ZFPM2: variants seen among roughly 807,000 people sequenced by gnomAD.
ZFPM2 encodes the protein zinc finger protein, FOG family member 2.
A neutral mutation model predicts 98.6 loss-of-function variants in ZFPM2; 20 were observed. The observed-to-expected ratio is 0.20, with a 90% CI of 0.14 to 0.29. The LOEUF is 0.29. ZFPM2 is among the 10% of genes least tolerant of loss of function. ZFPM2 has a pLI of 1.00. For missense variants in ZFPM2, 1,310 were observed against 1,388.6 expected, an observed-to-expected ratio of 0.94 and a Z score of 0.90; for synonymous variants, 518 against 502.7, an observed-to-expected ratio of 1.03 and a Z score of -0.41.
chr8:105,446,718 A>C (rs1182713387), intron 3 of ZFPM2, among the ~76,000 whole-genome samples: 1 of 152,124 alleles, frequency 6.6e-6, no homozygotes, highest in Non-Finnish European at 1.5e-5. Flanking sequence ...GAAAATATGT[A>C]TCTCTAAGCA....
At chr8:105,732,052 G>T (rs28671406) in intron 5 of ZFPM2, among the ~76,000 whole-genome samples, 37 of 151,742 alleles carry the variant, frequency 2.4e-4, no homozygotes, top group African/African-American at 8.0e-4. Flanking sequence ...ATATGAGAGG[G>T]TTTAGTTCCT....
intron 5 of ZFPM2, among the ~76,000 whole-genome samples, chr8:105,763,520 A>C (rs1480638032): frequency 6.6e-6 from 1 of 151,832 alleles, no homozygotes; most frequent in Non-Finnish European, 1.5e-5. Context: ...TAATTATGAG[A>C]AGAGAGTAGA....
chr8:105,549,562 T>TTCCTTCCTCCCTTCCTTCCTTC (rs1563713795), intron 3 of ZFPM2, among the ~76,000 whole-genome samples: 3 of 97,256 alleles, frequency 3.1e-5, no homozygotes, highest in African/African-American at 1.2e-4. Flanking sequence ...TTCCTTCCTT[T>TTCCTTCCTCCCTTCCTTCCTTC]CTTCCTTCCA....
intron 1 of ZFPM2, among the ~76,000 whole-genome samples, chr8:105,357,911 T>G (rs954304452): frequency 6.6e-6 from 1 of 152,184 alleles, no homozygotes; most frequent in Non-Finnish European, 1.5e-5. Flanking sequence ...AGTTTGCAAC[T>G]TGACCATAGC....
chr8:105,524,669 A>G (rs548068482), intron 3 of ZFPM2, among the ~76,000 whole-genome samples: 319 of 152,260 alleles, frequency 2.1e-3, no homozygotes, highest in Non-Finnish European at 3.7e-3. Flanking sequence ...TTTAGATGGT[A>G]TCTGTGATCA....
intron 4 of ZFPM2, among the ~76,000 whole-genome samples, chr8:105,603,132 G>T (rs1274795905): frequency 6.6e-6 from 1 of 152,036 alleles, no homozygotes; most frequent in East Asian, 1.9e-4. Flanking sequence ...AAATTGTATG[G>T]TGTTAGGCAA....
chr8:105,556,684 T>A, intron 3 of ZFPM2, among the ~76,000 whole-genome samples: 1 of 121,792 alleles, frequency 8.2e-6, no homozygotes, highest in Non-Finnish European at 1.7e-5. Flanking sequence ...CCCCCTTCCC[T>A]TTTCCCCCTT....
At chr8:105,442,203 G>A (rs962852813) in intron 2 of ZFPM2, among the ~76,000 whole-genome samples, 4 of 151,776 alleles carry the variant, frequency 2.6e-5, no homozygotes, top group Admixed American at 1.3e-4. Context: ...AATTAGCTGG[G>A]TGTGGTGGCA....
intron 1 of ZFPM2, among the ~76,000 whole-genome samples, chr8:105,414,616 T>C (rs193216831): frequency 5.9e-4 from 90 of 151,938 alleles, no homozygotes; most frequent in Non-Finnish European, 1.1e-3. Flanking sequence ...CTTTTTTTTT[T>C]CTGAAATTTT....
At position 105,395,619 on chromosome 8, in the gene ZFPM2, T is replaced by TC. The variant is rs200744500; in HGVS notation, c.41-23519dup. Among the ~76,000 whole-genome samples, 883 of 152,134 alleles carry TC rather than the reference T, an allele frequency of 5.8e-3. 3 individuals carry two copies. Among genetic ancestry groups the TC allele is most frequent in the African/African-American group, 0.02 (826 of 41,518 alleles). On this transcript the variant is annotated intron_variant, in intron 1 of 7. Transcript: ENST00000407775. The stretch of plus-strand genomic sequence containing the variant: ...CTCCCATGTTGATCTGTCCCCTATT[T>TC]CCCCCCATACAATGGTTTTATATAA...
intron 4 of ZFPM2, among the ~76,000 whole-genome samples, chr8:105,595,897 G>A (rs73700104): frequency 0.013 from 2,014 of 151,008 alleles, 33 homozygotes; most frequent in African/African-American, 0.046. Flanking sequence ...ATAATATACT[G>A]CTAACATCTT....
At chr8:105,330,579 T>G (rs35640871) in intron 1 of ZFPM2, among the ~76,000 whole-genome samples, 1 of 96,438 alleles carries the variant, frequency 1.0e-5, no homozygotes. Flanking sequence ...CATATATATA[T>G]ACATATATAT....
chr8:105,690,888 G>A (rs1586200236), intron 5 of ZFPM2: 1 of 152,022 alleles, frequency 6.6e-6, no homozygotes, highest in Non-Finnish European at 1.5e-5. Flanking sequence ...CAGATTACTA[G>A]GGAAACTATC....
intron 3 of ZFPM2, among the ~76,000 whole-genome samples, chr8:105,518,457 T>G (rs986961766): frequency 6.6e-6 from 1 of 152,238 alleles, no homozygotes; most frequent in South Asian, 2.1e-4. Context: ...TTTAGTCTTC[T>G]CAAATGTCCA....
At chr8:105,333,629 G>T (rs1812274029) in intron 1 of ZFPM2, among the ~76,000 whole-genome samples, 1 of 151,562 alleles carries the variant, frequency 6.6e-6, no homozygotes, top group Non-Finnish European at 1.5e-5. Context: ...TCATATGTGT[G>T]CTCATTACAG....
intron 1 of ZFPM2, among the ~76,000 whole-genome samples, chr8:105,351,385 G>T (rs201333310): frequency 2.9e-5 from 4 of 137,114 alleles, no homozygotes; most frequent in Non-Finnish European, 4.7e-5. Context: ...GTGTGTGTTT[G>T]TGTGTGTGTG....
intron 1 of ZFPM2, among the ~76,000 whole-genome samples, chr8:105,405,583 T>C (rs1259258528): frequency 6.6e-6 from 1 of 152,018 alleles, no homozygotes; most frequent in African/African-American, 2.4e-5. Flanking sequence ...TCCAGCTTCA[T>C]CCATGTCCCT....
At chr8:105,572,083 G>T (rs1210483165) in intron 4 of ZFPM2, among the ~76,000 whole-genome samples, 2 of 144,554 alleles carry the variant, frequency 1.4e-5, no homozygotes, top group African/African-American at 5.3e-5. Context: ...TGTCGCCCAG[G>T]CTGGAGTGCA....
chr8:105,517,121 G>C (rs1813940554), intron 3 of ZFPM2, among the ~76,000 whole-genome samples: 1 of 152,146 alleles, frequency 6.6e-6, no homozygotes, highest in Non-Finnish European at 1.5e-5. Context: ...AAAGAATAAA[G>C]AATATGGAAT....
Sources: allele counts gnomAD v4.1 joint callset (sites outside exome capture counted in the v4.1 genomes callset), GRCh38; gene constraint gnomAD v4.1.1; transcripts MANE v1.5; gene names NCBI Gene and HGNC (gene_info 2026-07-23, HGNC 2026-07-21).